The following CD96 variants were observed in gnomAD, a reference collection of about 807,000 sequenced individuals.
CD96 encodes T-cell surface protein tactile.
CD96 carries 70 observed loss-of-function variants against 71.3 expected under a neutral mutation model. The ratio of observed to expected loss-of-function variants is 0.98; its 90% CI spans 0.81 to 1.20. CD96 has a LOEUF of 1.20. Ranked by LOEUF, CD96 falls within the 50% of genes most tolerant of loss-of-function variation. The pLI is 0.00. For missense variants in CD96, 742 were observed against 677.5 expected (o/e 1.10, Z -1.06); for synonymous variants, 248 against 233.0 (o/e 1.06, Z -0.59).
At chr3:111,563,106 G>T (rs564090517) in intron 2 of CD96, among the ~76,000 whole-genome samples, 2 of 152,202 alleles carry the variant, frequency 1.3e-5, no homozygotes, top group Non-Finnish European at 2.9e-5. Context: ...GAATTAACTC[G>T]CCCTTTTATA....
intron 10 of CD96, among the ~76,000 whole-genome samples, chr3:111,631,823 A>G (rs1939077836): frequency 6.6e-6 from 1 of 152,152 alleles, no homozygotes; most frequent in Non-Finnish European, 1.5e-5. Flanking sequence ...AAATAAGACT[A>G]CACACCTACA....
At chr3:111,653,811 A>G (rs62275487), downstream of CD96, among the ~76,000 whole-genome samples, 1 of 149,458 alleles carries the variant, frequency 6.7e-6, no homozygotes, top group Non-Finnish European at 1.5e-5. Context: ...GAGAAGCGAT[A>G]ATTTTTTTTT....
chr3:111,556,250 T>A (rs995148171), intron 2 of CD96, among the ~76,000 whole-genome samples: 84 of 38,192 alleles, frequency 2.2e-3, no homozygotes, highest in Admixed American at 3.7e-3. Context: ...CATGTGCACA[T>A]TGTGCAGGTT....
chr3:111,571,267 A>G (rs900050779), intron 3 of CD96, among the ~76,000 whole-genome samples: 1 of 148,312 alleles, frequency 6.7e-6, no homozygotes, highest in African/African-American at 2.5e-5. Context: ...CATCTAGTAT[A>G]GAGTCTAGAG....
rs1291272417 is a variant in CD96, at chr3:111,560,587, C to T, written c.419-6936C>T. On this transcript the variant is annotated intron_variant, in intron 2 of 13. Coordinates refer to ENST00000352690, the MANE Select transcript of CD96 (RefSeq NM_005816.5). ...TTCTGCCGAGAGATCCACTGTTAGT[C>T]TGATGGGCTTCCCTTTGAGGGTAAC... Among the ~76,000 whole-genome samples, 3 of 102,476 alleles carry T rather than the reference C, an allele frequency of 2.9e-5. No individual in the cohort carries two copies. The East Asian group carries it at 7.6e-4, about 26-fold the overall frequency. 67.2% of individuals were successfully genotyped at this position (102,476 alleles called of 152,430 possible).
chr3:111,575,504 T>A (rs1423577893), intron 3 of CD96, among the ~76,000 whole-genome samples: 15 of 152,242 alleles, frequency 9.9e-5, no homozygotes, highest in African/African-American at 3.4e-4. Flanking sequence ...ATGGCCATTG[T>A]GTCCCCCAAG....
chr3:111,653,812 ATT>A (rs754375794), downstream of CD96, among the ~76,000 whole-genome samples: 1 of 148,288 alleles, frequency 6.7e-6, no homozygotes, highest in African/African-American at 2.5e-5. Flanking sequence ...AGAAGCGATA[ATT>A]TTTTTTTTTT....
intron 2 of CD96, among the ~76,000 whole-genome samples, chr3:111,554,885 C>A (rs1055599171): frequency 6.6e-6 from 1 of 151,914 alleles, no homozygotes; most frequent in East Asian, 1.9e-4. Flanking sequence ...ATGGTCCCAT[C>A]TGGGGGTGAT....
At chr3:111,659,090 A>G (rs939623150) in intron 14 of CD96, among the ~76,000 whole-genome samples, 1 of 152,174 alleles carries the variant, frequency 6.6e-6, no homozygotes, top group African/African-American at 2.4e-5. Context: ...CAAGATTTCA[A>G]TTGCTTCCTG....
chr3:111,656,822 T>TA (rs555338004), downstream of CD96, among the ~76,000 whole-genome samples: 420 of 152,168 alleles, frequency 2.8e-3, 2 homozygotes, highest in African/African-American at 9.6e-3. Flanking sequence ...GAAATATGTA[T>TA]ATGCCTATTT....
At chr3:111,645,059 C>G (rs920783044) in intron 12 of CD96, among the ~76,000 whole-genome samples, 1 of 152,138 alleles carries the variant, frequency 6.6e-6, no homozygotes, top group African/African-American at 2.4e-5. Flanking sequence ...GATACTTGCA[C>G]ATGTATGTTT....
intron 2 of CD96, among the ~76,000 whole-genome samples, chr3:111,564,067 A>T (rs1272117852): frequency 6.6e-6 from 1 of 152,110 alleles, no homozygotes; most frequent in Non-Finnish European, 1.5e-5. Context: ...TTCTTTCCCC[A>T]TGTTTGACTT....
intron 4 of CD96, among the ~76,000 whole-genome samples, chr3:111,579,637 C>T (rs562745890): frequency 5.3e-5 from 8 of 152,278 alleles, no homozygotes; most frequent in African/African-American, 9.6e-5. Flanking sequence ...AGGTGGCACA[C>T]GGTATCACAT....
intron 5 of CD96, among the ~76,000 whole-genome samples, chr3:111,596,468 C>T (rs886457885): frequency 1.3e-5 from 2 of 152,040 alleles, no homozygotes; most frequent in Non-Finnish European, 2.9e-5. Flanking sequence ...TAGACGTTAA[C>T]CAGAGTTCTT....
At chr3:111,555,952 T>C (rs563476536) in intron 2 of CD96, among the ~76,000 whole-genome samples, 1 of 152,424 alleles carries the variant, frequency 6.6e-6, no homozygotes, top group South Asian at 2.1e-4. Context: ...TTTTCATTTC[T>C]TTCAATCCTT....
chr3:111,577,497 CT>C, intron 3 of CD96: 1 of 1,597,964 alleles, frequency 6.3e-7, no homozygotes, highest in Non-Finnish European at 8.6e-7. Context: ...GCTCTTCTTC[CT>C]TAGGAAAACA....
intron 12 of CD96, among the ~76,000 whole-genome samples, chr3:111,646,561 A>C (rs1230686150): frequency 6.6e-6 from 1 of 151,840 alleles, no homozygotes; most frequent in Non-Finnish European, 1.5e-5. Flanking sequence ...AAAGAAGAAG[A>C]AACTGATGCA....
intron 3 of CD96, among the ~76,000 whole-genome samples, chr3:111,576,275 T>C (rs1199216926): frequency 6.6e-6 from 1 of 152,224 alleles, no homozygotes; most frequent in Non-Finnish European, 1.5e-5. Flanking sequence ...ACATACAGGT[T>C]CTTGCCTCTA....
chr3:111,551,856 T>C (rs977443375), intron 2 of CD96, among the ~76,000 whole-genome samples: 9 of 152,102 alleles, frequency 5.9e-5, no homozygotes, highest in African/African-American at 2.2e-4. Flanking sequence ...TGCCTTTAGG[T>C]CTTTGACGAA....
Sources: gnomAD v4.1 joint callset for allele counts (sites outside exome capture counted in the v4.1 genomes callset) on GRCh38, gnomAD v4.1.1 for gene constraint, MANE v1.5 for transcripts, NCBI Gene and HGNC (gene_info 2026-07-23, HGNC 2026-07-21) for gene names.